CFAP47: variants seen among roughly 807,000 people sequenced by gnomAD.
CFAP47 encodes cilia- and flagella-associated protein 47.
A neutral mutation model predicts 148.1 loss-of-function variants in CFAP47; 29 were observed. The ratio of observed to expected loss-of-function variants is 0.20; its 90% confidence interval spans 0.15 to 0.27. CFAP47 has a LOEUF of 0.27. CFAP47 is among the 10% of genes least tolerant of loss of function. The pLI is 1.00. For synonymous variants in CFAP47, 664 were observed against 577.3 expected, an observed-to-expected ratio of 1.15 and a Z score of -2.15; for missense variants, 1,872 against 1,697.5, an observed-to-expected ratio of 1.10 and a Z score of -1.81.
chrX:36,231,443 G>C (rs1208550501), intron 46 of CFAP47, among the ~76,000 whole-genome samples: 2 of 108,545 alleles, frequency 1.8e-5, no homozygotes, highest in Non-Finnish European at 3.8e-5. Context: ...GAATGCTTGT[G>C]ATTTTTGTAC....
chrX:36,080,449 T>C (rs1387135457), intron 29 of CFAP47, among the ~76,000 whole-genome samples: 1 of 111,713 alleles, frequency 9.0e-6, no homozygotes, highest in Non-Finnish European at 1.9e-5. Flanking sequence ...CAAAGGATTA[T>C]AAATCATGCT....
chrX:35,965,868 A>G (rs1295220399), intron 8 of CFAP47, among the ~76,000 whole-genome samples: 1 of 111,069 alleles, frequency 9.0e-6, no homozygotes, highest in Non-Finnish European at 1.9e-5. Flanking sequence ...GGAGACCACA[A>G]AGCTGAATTT....
chrX:36,185,966 A>G (rs1188875650), intron 40 of CFAP47, among the ~76,000 whole-genome samples: 1 of 111,801 alleles, frequency 8.9e-6, no homozygotes, highest in Non-Finnish European at 1.9e-5. Context: ...GGATTTTAAC[A>G]TATAAATTTG....
At chrX:36,362,757 A>G (rs1311889949) in intron 61 of CFAP47, among the ~76,000 whole-genome samples, 1 of 112,098 alleles carries the variant, frequency 8.9e-6, no homozygotes. Flanking sequence ...GTAGTCATAC[A>G]TCTAAAGTGG....
chrX:35,989,651 GAC>G, intron 16 of CFAP47: 1 of 947,348 alleles, frequency 1.1e-6, no homozygotes, highest in South Asian at 2.8e-5. Context: ...TTTATTAAGA[GAC>G]ACAAAAAGTA....
intron 4 of CFAP47, among the ~76,000 whole-genome samples, chrX:35,949,197 C>CT (rs1431106149): frequency 1.9e-5 from 2 of 103,267 alleles, no homozygotes; most frequent in Non-Finnish European, 3.9e-5. Context: ...ATATAAAATA[C>CT]TTTTTTTACT....
chrX:36,051,168 C>T (rs2146737865), intron 26 of CFAP47, among the ~76,000 whole-genome samples: 1 of 111,744 alleles, frequency 8.9e-6, no homozygotes, highest in South Asian at 3.7e-4. Flanking sequence ...CACAGAGTCC[C>T]CACTGGGGCA....
At chrX:36,137,878 A>C (rs751229018) in intron 33 of CFAP47, 80 bp from the exon 34 acceptor site, 23 of 405,986 alleles carry the variant, frequency 5.7e-5, no homozygotes, top group Non-Finnish European at 7.9e-5. Context: ...ATTTTCTTTT[A>C]CTATTGCTCA....
chrX:36,087,256 A>T lies in CFAP47; in HGVS notation c.4916+1718A>T, dbSNP rs757870901. 1.8e-4 allele frequency among the ~76,000 whole-genome samples: 20 copies of T among 112,361 alleles called. No individual in the cohort carries two copies. The South Asian group carries it at 7.0e-3, about 39-fold the overall frequency. ...AGAAGGTAATCATGAAAGTAAAAAAACCTGAAGTTAAAACGGTATTTATTT... is the reference window on the plus strand; with the variant it reads ...AGAAGGTAATCATGAAAGTAAAAAATCCTGAAGTTAAAACGGTATTTATTT... On this transcript the variant is annotated intron_variant, in intron 30 of 63. Transcript: ENST00000378653.
At chrX:36,316,880 G>A (rs1353416652) in intron 56 of CFAP47, among the ~76,000 whole-genome samples, 2 of 111,616 alleles carry the variant, frequency 1.8e-5, no homozygotes, top group Non-Finnish European at 3.8e-5. Flanking sequence ...CCACCTCCCG[G>A]GCTCAGATGA....
chrX:36,204,817 T>TA (rs1379363167), intron 44 of CFAP47, 140 bp from the exon 45 acceptor site: 37 of 281,070 alleles, frequency 1.3e-4, no homozygotes, highest in African/African-American at 9.4e-4. Flanking sequence ...ACCAATTAAA[T>TA]AAAAATAATG....
chrX:36,148,354 G>C (rs1420107537), intron 36 of CFAP47, among the ~76,000 whole-genome samples: 1 of 111,693 alleles, frequency 9.0e-6, no homozygotes, highest in East Asian at 2.8e-4. Context: ...CAGGATTCTT[G>C]CTAAAATTGG....
chrX:36,192,850 G>T (rs1939880213), intron 42 of CFAP47, among the ~76,000 whole-genome samples: 1 of 111,834 alleles, frequency 8.9e-6, no homozygotes, highest in South Asian at 3.7e-4. Context: ...TATGTGAATT[G>T]GTCAGGCCCA....
At chrX:36,138,890 C>T (rs7062469) in intron 35 of CFAP47, among the ~76,000 whole-genome samples, 4,859 of 110,865 alleles carry the variant, frequency 0.044, 275 homozygotes, top group African/African-American at 0.15. Flanking sequence ...TGGCAATATA[C>T]GTTTTAATTG....
At chrX:36,051,352 G>T (rs1937519425) in intron 26 of CFAP47, among the ~76,000 whole-genome samples, 1 of 112,012 alleles carries the variant, frequency 8.9e-6, no homozygotes, top group Admixed American at 9.5e-5. Flanking sequence ...CAGAAGGGGG[G>T]CTGTAACCTG....
At chrX:36,383,488 TATGTATATGCACA>T (rs782245642) in intron 63 of CFAP47, among the ~76,000 whole-genome samples, 34 of 111,974 alleles carry the variant, frequency 3.0e-4, no homozygotes, top group South Asian at 7.4e-4. Flanking sequence ...CTGGAAAATA[TATGTATATGCACA>T]ATCACTAAAA....
At chrX:35,924,522 TATATGCAC>T (rs1458476577) in intron 1 of CFAP47, among the ~76,000 whole-genome samples, 46 of 97,790 alleles carry the variant, frequency 4.7e-4, no homozygotes, top group African/African-American at 2.0e-3. Flanking sequence ...TATATGTGTA[TATATGCAC>T]ATATATGTGC....
chrX:36,252,647 AT>A (rs1483978379), intron 49 of CFAP47, among the ~76,000 whole-genome samples: 1 of 111,594 alleles, frequency 9.0e-6, no homozygotes, highest in African/African-American at 3.2e-5. Flanking sequence ...ATATTTTACT[AT>A]TTTTTAGGTA....
intron 57 of CFAP47, among the ~76,000 whole-genome samples, chrX:36,326,955 G>A (rs1317040873): frequency 5.4e-5 from 6 of 111,090 alleles, no homozygotes; most frequent in African/African-American, 1.6e-4. Flanking sequence ...AAAAATTAAC[G>A]CAGGGTATAT....
Sources: gnomAD v4.1 joint callset for allele counts (sites outside exome capture counted in the v4.1 genomes callset) on GRCh38, gnomAD v4.1.1 for gene constraint, MANE v1.5 for transcripts, NCBI Gene and HGNC (gene_info 2026-07-23, HGNC 2026-07-21) for gene names.